Variants in COX10 observed in about 807,000 individuals in gnomAD.
The protein encoded by COX10 is protoheme IX farnesyltransferase, mitochondrial.
Under a neutral mutation model 37.3 loss-of-function variants are expected in COX10, and 27 were observed. The ratio of observed to expected loss-of-function variants is 0.72; its 90% confidence interval spans 0.53 to 1.00. The LOEUF (loss-of-function observed/expected upper bound fraction) is 1.00, where lower values mean the gene tolerates loss of function less well. Among genes scored for constraint, COX10 ranks in the 50% least tolerant of loss-of-function variants. COX10 has a pLI of 0.00. For missense variants in COX10, 475 were observed against 563.2 expected (o/e 0.84, Z 1.59); for synonymous variants, 222 against 229.1 (o/e 0.97, Z 0.28).
At chr17:14,172,096 C>T (rs1050697518) in intron 5 of COX10, among the ~76,000 whole-genome samples, 2 of 152,122 alleles carry the variant, frequency 1.3e-5, no homozygotes, top group African/African-American at 4.8e-5. Context: ...TTCTTCCTAA[C>T]CCTCCTTCCA....
At chr17:14,132,948 G>C (rs996659295) in intron 4 of COX10, among the ~76,000 whole-genome samples, 10 of 151,566 alleles carry the variant, frequency 6.6e-5, no homozygotes, top group Admixed American at 2.0e-4. Flanking sequence ...GTTCATTTTA[G>C]ATTTATTTTC....
chr17:14,121,120 A>G (rs932992071), intron 4 of COX10, among the ~76,000 whole-genome samples: 2 of 152,168 alleles, frequency 1.3e-5, no homozygotes, highest in African/African-American at 2.4e-5. Flanking sequence ...CTGAAAATGT[A>G]TTTTTAAGTT....
intron 3 of COX10, among the ~76,000 whole-genome samples, chr17:14,090,480 C>A (rs1915502510): frequency 6.6e-6 from 1 of 152,020 alleles, no homozygotes; most frequent in Non-Finnish European, 1.5e-5. Flanking sequence ...GAATAGTAAA[C>A]TTGACAATTA....
intron 4 of COX10, among the ~76,000 whole-genome samples, chr17:14,139,837 T>C (rs1567600059): frequency 6.6e-6 from 1 of 152,154 alleles, no homozygotes; most frequent in South Asian, 2.1e-4. Flanking sequence ...TAGAATGTGC[T>C]ATAATAGTAG....
Position 14,151,544 on chromosome 17 carries a change from C to T in COX10, c.625-8333C>T, listed in dbSNP as rs56257414. Among the ~76,000 whole-genome samples the T allele has an allele frequency of 1.5e-3, 191 of 126,450 alleles. 1 individual carries two copies. The highest frequency in any genetic ancestry group is 2.4e-3 in the Non-Finnish European group (122 of 51,832). The allele number at this position is 126,450 out of a possible 152,430, so 83.0% of individuals were successfully genotyped here. ...CTGAACTAACACACACACACACACA[C>T]ACACACACACACACACACACACACA... On this transcript the variant is annotated intron_variant, in intron 4 of 6. Coordinates refer to ENST00000261643, the MANE Select transcript of COX10 (RefSeq NM_001303.4).
chr17:14,143,033 T>G (rs900735084), intron 4 of COX10, among the ~76,000 whole-genome samples: 1 of 152,188 alleles, frequency 6.6e-6, no homozygotes, highest in Non-Finnish European at 1.5e-5. Context: ...CCCTCTATCA[T>G]GTGGATGGTC....
chr17:14,102,787 C>A (rs1274396504), intron 4 of COX10, among the ~76,000 whole-genome samples: 1 of 152,008 alleles, frequency 6.6e-6, no homozygotes, highest in African/African-American at 2.4e-5. Flanking sequence ...CAAAATAATT[C>A]TCCCAAATAA....
intron 4 of COX10, among the ~76,000 whole-genome samples, chr17:14,127,493 GC>G (rs1343897835): frequency 6.6e-6 from 1 of 152,024 alleles, no homozygotes. Flanking sequence ...ATAAAAATAA[GC>G]CAGTCAGTTT....
intron 4 of COX10, among the ~76,000 whole-genome samples, chr17:14,125,786 G>A (rs534620878): frequency 6.6e-6 from 1 of 152,272 alleles, no homozygotes; most frequent in South Asian, 2.1e-4. Flanking sequence ...TGAACTCACA[G>A]TGAATGCATA....
rs10648666 is a variant in COX10, at chr17:14,188,213, G to GAAA, written c.696-3767_696-3765dup. Among the ~76,000 whole-genome samples, 614 of 139,414 alleles carry GAAA rather than the reference G, an allele frequency of 4.4e-3. 5 individuals are homozygous for GAAA. Among genetic ancestry groups the GAAA allele is most frequent in the African/African-American group, 8.0e-3 (304 of 37,926 alleles). The allele number at this position is 139,414 out of a possible 152,430, so 91.5% of individuals were successfully genotyped here. ...AGCTAGTTTTTTAGAGTCTCATAGG[G>GAAA]AAAAAAAAAAATCTGTTCTTATAAG... On this transcript the variant is annotated intron_variant, in intron 5 of 6. Transcript: ENST00000261643.
At chr17:14,092,685 G>T (rs1054758982) in intron 3 of COX10, among the ~76,000 whole-genome samples, 5 of 152,146 alleles carry the variant, frequency 3.3e-5, no homozygotes, top group Non-Finnish European at 7.4e-5. Context: ...CTGCCAAGCT[G>T]TGAAGCCTAA....
chr17:14,135,434 T>C (rs1904333789), intron 4 of COX10, among the ~76,000 whole-genome samples: 2 of 151,996 alleles, frequency 1.3e-5, no homozygotes, highest in South Asian at 4.1e-4. Context: ...GTATAAAGAA[T>C]CACCTGGGGA....
At chr17:14,103,572 A>G (rs1915832271) in intron 4 of COX10, among the ~76,000 whole-genome samples, 1 of 152,158 alleles carries the variant, frequency 6.6e-6, no homozygotes. Context: ...ATAACTAAAA[A>G]GCATCAAATG....
At chr17:14,162,336 A>T (rs1287846386) in intron 5 of COX10, among the ~76,000 whole-genome samples, 1 of 152,202 alleles carries the variant, frequency 6.6e-6, no homozygotes, top group Non-Finnish European at 1.5e-5. Context: ...TGTCATGTAC[A>T]ACTTCTACCC....
intron 4 of COX10, among the ~76,000 whole-genome samples, chr17:14,109,182 GA>G (rs1276973954): frequency 6.6e-6 from 1 of 152,156 alleles, no homozygotes; most frequent in African/African-American, 2.4e-5. Flanking sequence ...GGTTTGCCTA[GA>G]GAGTTCTTGA....
intron 6 of COX10, among the ~76,000 whole-genome samples, chr17:14,198,409 A>T (rs978377320): frequency 6.6e-6 from 1 of 152,178 alleles, no homozygotes; most frequent in African/African-American, 2.4e-5. Context: ...AGAAAGGTTC[A>T]GATTATTTTT....
In COX10 at chr17:14,207,729, AT is replaced by A. The variant is rs1906754206; in HGVS notation, c.*518del. 1 of 154,580 alleles carries A rather than the reference AT, an allele frequency of 6.5e-6. No homozygotes were observed. Among genetic ancestry groups the A allele is most frequent in the African/African-American group, 2.4e-5 (1 of 41,390 alleles). The allele number at this position is 154,580 out of a possible 1,614,324, so 9.6% of individuals were successfully genotyped here. A position where few individuals can be genotyped will look rare whatever the true frequency, so the allele number is the denominator to read the frequency against. On this transcript the variant is annotated 3_prime_UTR_variant, in exon 7 of 7. Coordinates refer to ENST00000261643, the MANE Select transcript of COX10 (RefSeq NM_001303.4). The stretch of plus-strand genomic sequence containing the variant: ...ATTTTTGGTTTTCCCCACCCCACAC[AT>A]TCTCAACCATAGTCCTTCTAACAAT...
intron 3 of COX10, among the ~76,000 whole-genome samples, chr17:14,094,992 G>A (rs1915612392): frequency 6.6e-6 from 1 of 152,078 alleles, no homozygotes; most frequent in African/African-American, 2.4e-5. Context: ...TAATTGAAGG[G>A]TTGTGCTAAG....
chr17:14,088,554 A>C (rs985753764), intron 3 of COX10, among the ~76,000 whole-genome samples: 1 of 152,176 alleles, frequency 6.6e-6, no homozygotes, highest in African/African-American at 2.4e-5. Context: ...TAAGTATAAG[A>C]TGCTATGGTA....
Sources: gnomAD v4.1 joint callset for allele counts (sites outside exome capture counted in the v4.1 genomes callset) on GRCh38, gnomAD v4.1.1 for gene constraint, MANE v1.5 for transcripts, NCBI Gene and HGNC (gene_info 2026-07-23, HGNC 2026-07-21) for gene names.